The following SCFD2 variants were observed in gnomAD, a reference collection of about 807,000 sequenced individuals.
SCFD2 encodes the protein sec1 family domain-containing protein 2.
SCFD2 carries 54 observed loss-of-function variants against 58.9 expected under a neutral mutation model. The ratio of observed to expected loss-of-function variants is 0.92; its 90% CI spans 0.74 to 1.15. SCFD2 has a LOEUF of 1.15. Ranked by LOEUF, SCFD2 falls within the 50% of genes most tolerant of loss-of-function variation. The pLI, the probability that SCFD2 is intolerant of heterozygous loss-of-function variation, is 0.00. For missense variants in SCFD2, 805 were observed against 836.6 expected (o/e 0.96, Z 0.47); for synonymous variants, 321 against 335.9 (o/e 0.96, Z 0.49).
chr4:53,276,457 TA>T (rs1204532435), intron 3 of SCFD2, among the ~76,000 whole-genome samples: 2 of 152,140 alleles, frequency 1.3e-5, no homozygotes, highest in Admixed American at 1.3e-4. Context: ...TTCATTTAGT[TA>T]TTTTTTTTTA....
At chr4:53,257,688 T>C (rs1032678631) in intron 4 of SCFD2, among the ~76,000 whole-genome samples, 3 of 152,190 alleles carry the variant, frequency 2.0e-5, no homozygotes, top group African/African-American at 7.2e-5. Flanking sequence ...GGAAAAACCT[T>C]ATCAAAATCT....
intron 5 of SCFD2, among the ~76,000 whole-genome samples, chr4:53,038,807 G>A (rs918510288): frequency 4.0e-5 from 6 of 151,274 alleles, no homozygotes; most frequent in Admixed American, 3.3e-4. Context: ...TCCCACCTTC[G>A]CCTCCTGAGT....
chr4:53,338,381 AC>A (rs1228091516), intron 2 of SCFD2, among the ~76,000 whole-genome samples: 1 of 151,908 alleles, frequency 6.6e-6, no homozygotes, highest in Non-Finnish European at 1.5e-5. Flanking sequence ...CACTAAATAA[AC>A]CCCAAACAGA....
intron 7 of SCFD2, among the ~76,000 whole-genome samples, chr4:52,892,260 A>G (rs1399400435): frequency 6.6e-6 from 1 of 152,190 alleles, no homozygotes; most frequent in Middle Eastern, 3.2e-3. Context: ...GGAATCCACC[A>G]GACTTCATCC....
At chr4:53,351,258 C>T (rs1159048520) in intron 2 of SCFD2, among the ~76,000 whole-genome samples, 1 of 152,166 alleles carries the variant, frequency 6.6e-6, no homozygotes, top group Non-Finnish European at 1.5e-5. Flanking sequence ...TCACTGACGT[C>T]AGGCCCTGAC....
At chr4:53,003,799 G>C (rs1466072953) in intron 5 of SCFD2, among the ~76,000 whole-genome samples, 1 of 152,208 alleles carries the variant, frequency 6.6e-6, no homozygotes, top group Admixed American at 6.5e-5. Context: ...GAGGACAGTA[G>C]AAAAGGATTC....
At chr4:53,173,324 T>C (rs1727233975) in intron 4 of SCFD2, among the ~76,000 whole-genome samples, 1 of 152,180 alleles carries the variant, frequency 6.6e-6, no homozygotes, top group Non-Finnish European at 1.5e-5. Context: ...GTACTGAATA[T>C]GCATTGCTTT....
At chr4:53,300,392 GAACT>G (rs1732234476) in intron 3 of SCFD2, among the ~76,000 whole-genome samples, 1 of 152,132 alleles carries the variant, frequency 6.6e-6, no homozygotes, top group South Asian at 2.1e-4. Flanking sequence ...TCAACAAGAA[GAACT>G]AACTCTCCTA....
intron 2 of SCFD2, among the ~76,000 whole-genome samples, chr4:53,320,629 A>G (rs1397820007): frequency 6.6e-6 from 1 of 152,196 alleles, no homozygotes; most frequent in African/African-American, 2.4e-5. Flanking sequence ...AAAAATCAAT[A>G]AAAAATAAAA....
intron 4 of SCFD2, among the ~76,000 whole-genome samples, chr4:53,217,478 T>G (rs891270302): frequency 3.3e-5 from 5 of 152,200 alleles, no homozygotes; most frequent in Admixed American, 3.3e-4. Context: ...TGCCTTTTTT[T>G]GTTTTCCATT....
In SCFD2 at chr4:53,110,041, GGAACA is replaced by G. The variant is rs56074725; in HGVS notation, c.1561+35287_1561+35291del. On this transcript the variant is annotated intron_variant, in intron 5 of 8. Coordinates refer to ENST00000401642, the MANE Select transcript of SCFD2 (RefSeq NM_152540.4). ...TACCAAAACAGATATACAGACCAATGGAACAGAACAGAACAGAACAGAACAGAGGC... is the reference window on the plus strand; with the variant it reads ...TACCAAAACAGATATACAGACCAATGGAACAGAACAGAACAGAACAGAGGC... 8.0e-3 allele frequency among the ~76,000 whole-genome samples: 1,207 copies of G among 151,272 alleles called. 6 individuals carry two copies. The highest frequency in any genetic ancestry group is 0.01 in the African/African-American group (419 of 41,168).
chr4:53,042,702 G>GTTT (rs111693275), intron 5 of SCFD2, among the ~76,000 whole-genome samples: 7 of 150,902 alleles, frequency 4.6e-5, no homozygotes, highest in African/African-American at 1.7e-4. Flanking sequence ...TATTTTTTTT[G>GTTT]TTTTTTTCAG....
chr4:52,906,485 CT>C (rs1719351546), intron 7 of SCFD2, among the ~76,000 whole-genome samples: 1 of 152,194 alleles, frequency 6.6e-6, no homozygotes, highest in Non-Finnish European at 1.5e-5. Flanking sequence ...TCCCTAAACA[CT>C]TTGGAGAGGC....
chr4:53,133,189 G>A lies in SCFD2; in HGVS notation c.1561+12144C>T, dbSNP rs189957065. On this transcript the variant is annotated intron_variant, in intron 5 of 8. Transcript: ENST00000401642. ...TAAAAATACAAGAAATTAGCCGGGC[G>A]TGGTGGCGGGTGCCTGTAGTCCCAG... Among the ~76,000 whole-genome samples, 556 of 152,068 alleles carry A rather than the reference G, an allele frequency of 3.7e-3. 5 individuals carry two copies. Among genetic ancestry groups the A allele is most frequent in the African/African-American group, 0.012 (510 of 41,496 alleles).
rs556027164 is a variant in SCFD2, at chr4:53,147,352, A to G, written c.1312-1770T>C. Reference sequence around the variant, plus strand: ...AATGATTACCAAAATGAGCTTTTCCAGTCAAGCCATTTCCACACCTGGAAA... The same window carrying G: ...AATGATTACCAAAATGAGCTTTTCCGGTCAAGCCATTTCCACACCTGGAAA... On this transcript the variant is annotated intron_variant, in intron 4 of 8. Coordinates refer to ENST00000401642, the MANE Select transcript of SCFD2 (RefSeq NM_152540.4). 3.9e-5 allele frequency among the ~76,000 whole-genome samples: 6 copies of G among 152,346 alleles called. No individual in the cohort carries two copies. The South Asian group carries it at 1.2e-3, about 32-fold the overall frequency.
chr4:53,214,916 T>G (rs1027446711), intron 4 of SCFD2, among the ~76,000 whole-genome samples: 7 of 152,302 alleles, frequency 4.6e-5, no homozygotes, highest in African/African-American at 1.7e-4. Context: ...GGGAATCCTT[T>G]CTGCATTGCT....
chr4:53,307,617 G>C (rs1447250022), intron 3 of SCFD2, among the ~76,000 whole-genome samples: 1 of 152,190 alleles, frequency 6.6e-6, no homozygotes, highest in Non-Finnish European at 1.5e-5. Flanking sequence ...AGAACTCCAA[G>C]GTACCAGGGA....
At chr4:53,341,494 A>T (rs141286794) in intron 2 of SCFD2, among the ~76,000 whole-genome samples, 2 of 152,334 alleles carry the variant, frequency 1.3e-5, no homozygotes, top group East Asian at 3.9e-4. Context: ...GTGTACCTGA[A>T]AGTGACAGGG....
chr4:53,103,768 TA>T (rs35959095), intron 5 of SCFD2, among the ~76,000 whole-genome samples: 12 of 34,026 alleles, frequency 3.5e-4, no homozygotes, highest in African/African-American at 5.5e-4. Context: ...AGTAAGGAAG[TA>T]AAAAAAAAAA....
Sources: allele counts gnomAD v4.1 joint callset (sites outside exome capture counted in the v4.1 genomes callset), GRCh38; gene constraint gnomAD v4.1.1; transcripts MANE v1.5; gene names NCBI Gene and HGNC (gene_info 2026-07-23, HGNC 2026-07-21).